Variants in CEP170 observed in about 807,000 individuals in gnomAD.
The protein encoded by CEP170 is centrosomal protein of 170 kDa.
Under a neutral mutation model 151.9 loss-of-function variants are expected in CEP170, and 21 were observed. The observed-to-expected ratio is 0.14, with a 90% CI of 0.10 to 0.20. The LOEUF (loss-of-function observed/expected upper bound fraction) is 0.20, where lower values mean the gene tolerates loss of function less well. Among genes scored for constraint, CEP170 ranks in the 10% least tolerant of loss-of-function variants. CEP170 has a pLI of 1.00. For synonymous variants in CEP170, 356 were observed against 648.8 expected (o/e 0.55, Z 6.86); for missense variants, 964 against 1,892.9 (o/e 0.51, Z 9.11).
rs191447920 is a variant in CEP170 at position 243,195,839 on chromosome 1, A to G, written c.631+3221T>C. The stretch of plus-strand genomic sequence containing the variant: ...CTCATCCTATATTTTAAAAAGCTGC[A>G]AATGATAAATCTGAAACAGTAATAT... On this transcript the variant is annotated intron_variant, in intron 7 of 19. Transcript: ENST00000366542. 9.5e-3 allele frequency among the ~76,000 whole-genome samples: 1,439 copies of G among 152,150 alleles called. 25 individuals are homozygous for G. The highest frequency in any genetic ancestry group is 0.033 in the African/African-American group (1,369 of 41,544).
chr1:243,214,514 G>A (rs959437518), intron 3 of CEP170, among the ~76,000 whole-genome samples: 5 of 149,590 alleles, frequency 3.3e-5, no homozygotes. Flanking sequence ...TTGAACTCCT[G>A]ACCTTAGGTG....
chr1:243,133,016 A>G (rs2054600643), intron 17 of CEP170, among the ~76,000 whole-genome samples: 1 of 152,174 alleles, frequency 6.6e-6, no homozygotes, highest in African/African-American at 2.4e-5. Flanking sequence ...ATGGTTTTTA[A>G]TAATAAAATC....
At chr1:243,180,864 G>C (rs913262767) in intron 10 of CEP170, among the ~76,000 whole-genome samples, 5 of 152,170 alleles carry the variant, frequency 3.3e-5, no homozygotes, top group Non-Finnish European at 7.4e-5. Context: ...AACCAGCAGT[G>C]ACCAGGCCCT....
At chr1:243,150,553 G>A (rs1369055517) in intron 14 of CEP170, among the ~76,000 whole-genome samples, 3 of 152,126 alleles carry the variant, frequency 2.0e-5, no homozygotes, top group Non-Finnish European at 2.9e-5. Context: ...AAGTTTGGAC[G>A]GAAATTTGAA....
chr1:243,225,676 T>C (rs1339020580), intron 1 of CEP170, among the ~76,000 whole-genome samples: 2 of 152,086 alleles, frequency 1.3e-5, no homozygotes, highest in Non-Finnish European at 1.5e-5. Context: ...ATTAGAAAAA[T>C]AGCAATACTG....
intron 14 of CEP170, among the ~76,000 whole-genome samples, chr1:243,151,288 G>C (rs2148413408): frequency 6.7e-6 from 1 of 149,598 alleles, no homozygotes; most frequent in South Asian, 2.2e-4. Context: ...TCTCCCATCT[G>C]ATCAACCATG....
chr1:243,219,684 A>G (rs1387730833), intron 3 of CEP170, among the ~76,000 whole-genome samples: 2 of 152,254 alleles, frequency 1.3e-5, no homozygotes, highest in Non-Finnish European at 2.9e-5. Context: ...TCTGTTGTCA[A>G]GATGAAACTT....
chr1:243,158,901 T>C (rs1035728258), intron 13 of CEP170, among the ~76,000 whole-genome samples: 3 of 151,976 alleles, frequency 2.0e-5, no homozygotes, highest in African/African-American at 7.3e-5. Context: ...ACCCCATCTC[T>C]ACTAAAAATA....
At position 243,233,691 on chromosome 1, in the gene CEP170, C is replaced by T. The variant is rs2063976558; in HGVS notation, c.-41-8370G>A. Among the ~76,000 whole-genome samples, 5 of 147,468 alleles carry T rather than the reference C, an allele frequency of 3.4e-5. No homozygotes were observed. In the South Asian group the frequency reaches 1.1e-3, roughly 31 times the overall value. ...GAGCTTACAGTGAGCCAAGATCACG[C>T]CACTGTACTCCAGACTGGGCAACAG... On this transcript the variant is annotated intron_variant, in intron 1 of 19. Transcript: ENST00000366542.
At chr1:243,240,500 T>C (rs1016890281) in intron 1 of CEP170, among the ~76,000 whole-genome samples, 1 of 152,170 alleles carries the variant, frequency 6.6e-6, no homozygotes, top group Non-Finnish European at 1.5e-5. Flanking sequence ...TAATGGCTCT[T>C]AGACCTGGAA....
chr1:243,209,700 G>C (rs1169475408), intron 4 of CEP170, among the ~76,000 whole-genome samples: 2 of 148,646 alleles, frequency 1.3e-5, no homozygotes, highest in Non-Finnish European at 3.0e-5. Context: ...TTTTTTTTGA[G>C]ACGGAGTCTG....
At chr1:243,223,395 G>T (rs917347892) in intron 2 of CEP170, among the ~76,000 whole-genome samples, 8 of 152,186 alleles carry the variant, frequency 5.3e-5, no homozygotes, top group Non-Finnish European at 1.2e-4. Context: ...GCTACTCATG[G>T]AGCCAGAGAA....
chr1:243,143,790 C>A (rs185618980), intron 14 of CEP170, among the ~76,000 whole-genome samples: 15 of 150,912 alleles, frequency 9.9e-5, no homozygotes, highest in African/African-American at 3.7e-4. Flanking sequence ...TGGTCTCGAA[C>A]TCCTGAGTTC....
rs1168158851 is a variant in CEP170 at position 243,156,285 on chromosome 1, G to A, written c.3847C>T (p.His1283Tyr). ...TAGTCTTCCTGCTCTTTAATCCGGT[G>A]TTTGAATGAAGAACTAGTAGGCATT... ...SAMPTSSSFK[H>Y]RIKEQEDYIR... Residue 1283 changes from histidine to tyrosine, a missense_variant, in exon 14 of 20, where the codon CAC (histidine) becomes TAC (tyrosine). By Grantham distance (83) the His-to-Tyr change is moderately conservative. Transcript: ENST00000366542. 6.3e-7 allele frequency: 1 copy of A among 1,589,872 alleles called. No individual in the cohort carries two copies. The highest frequency in any genetic ancestry group is 1.1e-5 in the South Asian group (1 of 87,440).
At chr1:243,235,451 C>T (rs1007752892) in intron 1 of CEP170, among the ~76,000 whole-genome samples, 8 of 152,158 alleles carry the variant, frequency 5.3e-5, no homozygotes, top group Admixed American at 3.3e-4. Flanking sequence ...CACAGCTGTG[C>T]TTTTTTTGGA....
chr1:243,241,284 G>A (rs568877550), intron 1 of CEP170, among the ~76,000 whole-genome samples: 1 of 152,302 alleles, frequency 6.6e-6, no homozygotes, highest in Admixed American at 6.5e-5. Context: ...ACTAGAATGT[G>A]CAAAACAGAA....
intron 1 of CEP170, among the ~76,000 whole-genome samples, chr1:243,231,187 CATCATTATT>C (rs1011116546): frequency 4.4e-4 from 56 of 127,426 alleles, no homozygotes; most frequent in Middle Eastern, 7.4e-3. Context: ...TCATCATCAT[CATCATTATT>C]ATTATTATTA....
At chr1:243,253,514 C>T (rs2066147345) in intron 1 of CEP170, among the ~76,000 whole-genome samples, 2 of 152,186 alleles carry the variant, frequency 1.3e-5, no homozygotes, top group Non-Finnish European at 1.5e-5. Context: ...TCCGTGTTAT[C>T]TACAAAGTTA....
chr1:243,167,191 AAGTATTATCT>A (rs1558483058), intron 12 of CEP170, among the ~76,000 whole-genome samples: 1 of 152,066 alleles, frequency 6.6e-6, no homozygotes, highest in African/African-American at 2.4e-5. Context: ...AGTTTTTAAA[AAGTATTATCT>A]ACTTGAAAGA....
Sources: gnomAD v4.1 joint callset for allele counts (sites outside exome capture counted in the v4.1 genomes callset) on GRCh38, gnomAD v4.1.1 for gene constraint, MANE v1.5 for transcripts, NCBI Gene and HGNC (gene_info 2026-07-23, HGNC 2026-07-21) for gene names.